LUZP2: variants seen among roughly 807,000 people sequenced by gnomAD.
LUZP2 encodes the protein leucine zipper protein 2.
In LUZP2, 52 loss-of-function variants were observed where a neutral mutation model predicts 51.6. That is an observed-to-expected ratio of 1.01 (90% CI 0.81 to 1.27). LUZP2 has a LOEUF of 1.27. Ranked by LOEUF, LUZP2 falls within the 50% of genes most tolerant of loss-of-function variation. LUZP2 has a pLI of 0.00. For synonymous variants in LUZP2, 154 were observed against 137.3 expected (o/e 1.12, Z -0.85); for missense variants, 436 against 395.4 (o/e 1.10, Z -0.87).
At chr11:24,998,937 T>G (rs917512947) in intron 9 of LUZP2, among the ~76,000 whole-genome samples, 1 of 152,194 alleles carries the variant, frequency 6.6e-6, no homozygotes, top group Non-Finnish European at 1.5e-5. Flanking sequence ...ATTTTAAAAC[T>G]GTTTTTGTGT....
At chr11:24,888,713 G>C (rs1303732011) in intron 5 of LUZP2, among the ~76,000 whole-genome samples, 3 of 152,114 alleles carry the variant, frequency 2.0e-5, no homozygotes, top group African/African-American at 7.2e-5. Context: ...ATCTCATCTT[G>C]AATTGTAGTC....
intron 5 of LUZP2, 66 bp downstream of exon 5, chr11:24,763,374 A>C: frequency 1.4e-6 from 1 of 710,788 alleles, no homozygotes; most frequent in Non-Finnish European, 2.2e-6. Flanking sequence ...TGCACATATA[A>C]AGTTGCCACT....
chr11:25,035,908 G>A (rs896652526), intron 9 of LUZP2, among the ~76,000 whole-genome samples: 3 of 151,986 alleles, frequency 2.0e-5, no homozygotes, highest in South Asian at 4.1e-4. Flanking sequence ...TGTTCATGAG[G>A]GATATTGGCC....
At chr11:24,930,694 ATGTGCCTAGG>A (rs1854420092) in intron 7 of LUZP2, among the ~76,000 whole-genome samples, 2 of 152,120 alleles carry the variant, frequency 1.3e-5, no homozygotes, top group African/African-American at 4.8e-5. Context: ...CCTGATGACT[ATGTGCCTAGG>A]TGATAATCTT....
intron 1 of LUZP2, among the ~76,000 whole-genome samples, chr11:24,540,874 A>C (rs541548598): frequency 6.6e-6 from 1 of 152,198 alleles, no homozygotes; most frequent in African/African-American, 2.4e-5. Context: ...ACAAAACAAA[A>C]AAAAATTTGA....
intron 5 of LUZP2, among the ~76,000 whole-genome samples, chr11:24,796,288 T>A (rs1849541657): frequency 6.6e-6 from 1 of 152,122 alleles, no homozygotes; most frequent in Non-Finnish European, 1.5e-5. Context: ...ATAACCCGAT[T>A]AGAGTTTTCT....
At chr11:24,533,193 G>T (rs937807305) in intron 1 of LUZP2, among the ~76,000 whole-genome samples, 1 of 151,162 alleles carries the variant, frequency 6.6e-6, no homozygotes, top group Admixed American at 6.6e-5. Context: ...CCAAAAGCAA[G>T]ATCTTTCCCT....
At chr11:24,583,755 G>A (rs1852958132) in intron 1 of LUZP2, among the ~76,000 whole-genome samples, 1 of 150,782 alleles carries the variant, frequency 6.6e-6, no homozygotes, top group South Asian at 2.1e-4. Flanking sequence ...CCAGGCTGGA[G>A]CTCAGTGGGG....
intron 1 of LUZP2, among the ~76,000 whole-genome samples, chr11:24,645,322 T>C (rs1024574444): frequency 2.6e-5 from 4 of 152,154 alleles, no homozygotes; most frequent in Non-Finnish European, 4.4e-5. Flanking sequence ...CATATTGTAG[T>C]CTAACTAACT....
chr11:24,817,424 A>T (rs1850220169), intron 5 of LUZP2, among the ~76,000 whole-genome samples: 2 of 152,030 alleles, frequency 1.3e-5, no homozygotes, highest in African/African-American at 4.8e-5. Context: ...AAAGGTGTAT[A>T]ACATCCCTAA....
At chr11:24,808,350 C>G (rs1849914531) in intron 5 of LUZP2, among the ~76,000 whole-genome samples, 1 of 152,048 alleles carries the variant, frequency 6.6e-6, no homozygotes, top group African/African-American at 2.4e-5. Flanking sequence ...AAGCTTCTGA[C>G]TGGATTTGCA....
chr11:24,565,473 G>T (rs1852186204), intron 1 of LUZP2, among the ~76,000 whole-genome samples: 1 of 151,936 alleles, frequency 6.6e-6, no homozygotes, highest in Non-Finnish European at 1.5e-5. Context: ...ATTTATGATG[G>T]GCTAGAAGGA....
At chr11:25,027,818 T>A (rs2121229) in intron 9 of LUZP2, among the ~76,000 whole-genome samples, 1 of 149,952 alleles carries the variant, frequency 6.7e-6, no homozygotes, top group Admixed American at 6.7e-5. Flanking sequence ...TGCAGTGAGC[T>A]GAGATCACGC....
At chr11:24,710,848 A>G (rs1262789203) in intron 1 of LUZP2, among the ~76,000 whole-genome samples, 1 of 151,904 alleles carries the variant, frequency 6.6e-6, no homozygotes, top group Non-Finnish European at 1.5e-5. Flanking sequence ...CATTTCTGAT[A>G]TTCAAGCATA....
intron 1 of LUZP2, among the ~76,000 whole-genome samples, chr11:24,624,566 A>T (rs532225503): frequency 2.0e-5 from 3 of 152,314 alleles, no homozygotes; most frequent in Admixed American, 1.3e-4. Flanking sequence ...ATGAGGAAGG[A>T]TAGGGAGATA....
chr11:24,960,444 G>C (rs901808206), intron 7 of LUZP2, among the ~76,000 whole-genome samples: 24 of 151,094 alleles, frequency 1.6e-4, no homozygotes, highest in Non-Finnish European at 2.8e-4. Flanking sequence ...TATTGGTCTA[G>C]TCAGAGATTC....
intron 7 of LUZP2, among the ~76,000 whole-genome samples, chr11:24,963,431 C>T (rs560857593): frequency 2.3e-4 from 35 of 152,318 alleles, no homozygotes; most frequent in African/African-American, 7.0e-4. Context: ...GTTCGAGCTT[C>T]CCGGCTGCTT....
chr11:24,991,635 G>A (rs113038474), intron 9 of LUZP2, among the ~76,000 whole-genome samples: 5,316 of 151,818 alleles, frequency 0.035, 285 homozygotes, highest in African/African-American at 0.11. Flanking sequence ...GTTGTTTAAG[G>A]AATTTCCACA....
intron 5 of LUZP2, among the ~76,000 whole-genome samples, chr11:24,792,743 A>G (rs1849442035): frequency 6.6e-6 from 1 of 152,122 alleles, no homozygotes; most frequent in Non-Finnish European, 1.5e-5. Context: ...TTATGCCCTG[A>G]ATTTCCTCCC....
Sources: gnomAD v4.1 joint callset for allele counts (sites outside exome capture counted in the v4.1 genomes callset) on GRCh38, gnomAD v4.1.1 for gene constraint, MANE v1.5 for transcripts, NCBI Gene and HGNC (gene_info 2026-07-23, HGNC 2026-07-21) for gene names.